Variants in DNM2 observed in about 807,000 individuals in gnomAD.
The protein encoded by DNM2 is dynamin-2.
A neutral mutation model predicts 99.0 loss-of-function variants in DNM2; 15 were observed. The ratio of observed to expected loss-of-function variants is 0.15; its 90% CI spans 0.10 to 0.23. The LOEUF (loss-of-function observed/expected upper bound fraction) is 0.23. Ranked by LOEUF, DNM2 falls within the 10% of genes least tolerant of loss-of-function variation. The pLI is 1.00. For synonymous variants in DNM2, 525 were observed against 481.2 expected (o/e 1.09, Z -1.19); for missense variants, 742 against 1,189.4 (o/e 0.62, Z 5.53).
At chr19:10,746,918 G>A (rs1203372335) in intron 1 of DNM2, among the ~76,000 whole-genome samples, 1 of 151,622 alleles carries the variant, frequency 6.6e-6, no homozygotes, top group African/African-American at 2.4e-5. Context: ...TGTATTTTTA[G>A]TAGAGACGGA....
intron 15 of DNM2, among the ~76,000 whole-genome samples, chr19:10,815,584 A>G (rs2146128454): frequency 6.6e-6 from 1 of 152,228 alleles, no homozygotes; most frequent in African/African-American, 2.4e-5. Context: ...TCCTCTCTGT[A>G]GGAGGGAACC....
At chr19:10,726,649 A>G (rs544645284) in intron 1 of DNM2, among the ~76,000 whole-genome samples, 1 of 152,204 alleles carries the variant, frequency 6.6e-6, no homozygotes, top group East Asian at 1.9e-4. Flanking sequence ...GGATCACCAG[A>G]GGTCAGGAGT....
At chr19:10,755,436 G>A (rs957617296) in intron 1 of DNM2, 2 of 151,540 alleles carry the variant, frequency 1.3e-5, no homozygotes, top group Non-Finnish European at 2.9e-5. Flanking sequence ...TCTAGCCAGC[G>A]CCGCATGGTT....
rs973717758 is a variant in DNM2 at position 10,816,049 on chromosome 19, C to T, written c.1671+3672C>T. Among the ~76,000 whole-genome samples the T allele has an allele frequency of 6.6e-6, 1 of 152,132 alleles. No homozygotes were observed. The highest frequency in any genetic ancestry group is 1.9e-4 in the East Asian group (1 of 5,176). Reference sequence around the variant, plus strand: ...TGAGGAAACCCTCACGCTTGCTATTCGGGTGGCTCTGTGGTCACCCCCATC... The same window carrying T: ...TGAGGAAACCCTCACGCTTGCTATTTGGGTGGCTCTGTGGTCACCCCCATC... On this transcript the variant is annotated intron_variant, in intron 15 of 20. Coordinates refer to ENST00000389253, the MANE Select transcript of DNM2 (RefSeq NM_001005361.3). The surrounding 1 kb of genome is among the most constrained non-coding windows in gnomAD (Gnocchi z 4.6).
At chr19:10,734,252 A>G (rs1599439121) in intron 1 of DNM2, among the ~76,000 whole-genome samples, 1 of 150,966 alleles carries the variant, frequency 6.6e-6, no homozygotes, top group Non-Finnish European at 1.5e-5. Context: ...CTGAGGTAGG[A>G]GAATTGCTTG....
In DNM2 at chr19:10,812,010, CTG is replaced by C. The variant is rs1568314004; in HGVS notation, c.1558-251_1558-250del. On this transcript the variant is annotated intron_variant, in intron 14 of 20. Coordinates refer to ENST00000389253, the MANE Select transcript of DNM2 (RefSeq NM_001005361.3). The surrounding 1 kb of genome is among the most constrained non-coding windows in gnomAD (Gnocchi z 4.0). ...CCATGGGCCCCTTTCCATCAGGCCTCTGTGAGTCTATACCCCATCAGCCCCTG... is the reference window on the plus strand; with the variant it reads ...CCATGGGCCCCTTTCCATCAGGCCTCTGAGTCTATACCCCATCAGCCCCTG... The C allele has an allele frequency of 8.0e-6, 4 of 499,970 alleles. No individual in the cohort carries two copies. The highest frequency in any genetic ancestry group is 1.6e-5 in the Non-Finnish European group (4 of 255,858). The allele number at this position is 499,970 out of a possible 1,614,324, so 31.0% of individuals were successfully genotyped here.
intron 7 of DNM2, among the ~76,000 whole-genome samples, chr19:10,789,159 C>T (rs1006611749): frequency 6.6e-6 from 1 of 152,120 alleles, no homozygotes; most frequent in Non-Finnish European, 1.5e-5. Flanking sequence ...GATTGTGCCA[C>T]TGCACTCCAG....
intron 2 of DNM2, among the ~76,000 whole-genome samples, chr19:10,761,050 G>A (rs1309563279): frequency 5.9e-5 from 9 of 151,854 alleles, no homozygotes; most frequent in Admixed American, 5.3e-4. Context: ...ATGCAGTGGC[G>A]TGATCTCGGC....
At chr19:10,758,271 TTCCTTCCCTCCCTCCTTCCTTCCCTCCC>T (rs2070470925) in intron 1 of DNM2, among the ~76,000 whole-genome samples, 4 of 116,964 alleles carry the variant, frequency 3.4e-5, no homozygotes, top group East Asian at 3.1e-4. Flanking sequence ...CCTTCCCTCC[TTCCTTCCCTCCCTCCTTCCTTCCCTCCC>T]TCCTTCCCTC....
rs369716035 is a variant in DNM2, at chr19:10,796,386, A to G, written c.1196+947A>G. Among the ~76,000 whole-genome samples the G allele has an allele frequency of 4.6e-5, 7 of 152,080 alleles. No homozygotes were observed. In the South Asian group the frequency reaches 1.2e-3, roughly 27 times the overall value. On this transcript the variant is annotated intron_variant, in intron 9 of 20. Coordinates refer to ENST00000389253, the MANE Select transcript of DNM2 (RefSeq NM_001005361.3). The surrounding 1 kb of genome is among the most constrained non-coding windows in gnomAD (Gnocchi z 5.6). ...CATGTAGGCCTGGGCCCAGGCACAC[A>G]GGGGAGTGCCAGGCCTCCTGGACTG... is the stretch of plus-strand genomic sequence containing the variant.
rs2073351436 is a variant in DNM2 at position 10,831,694 on chromosome 19, C to T, written c.*647C>T. ...CTCTCCTCCTCCTCCTCCTGGGTCC[C>T]CCAGGGTGGCTGGGCTTGGGCTATG... On this transcript the variant is annotated 3_prime_UTR_variant, in exon 21 of 21. Coordinates refer to ENST00000389253, the MANE Select transcript of DNM2 (RefSeq NM_001005361.3). The surrounding 1 kb of genome is among the most constrained non-coding windows in gnomAD (Gnocchi z 4.3). 3.0e-6 allele frequency: 3 copies of T among 986,162 alleles called. No individual in the cohort carries two copies. Among genetic ancestry groups the T allele is most frequent in the African/African-American group, 1.7e-5 (1 of 57,234 alleles). 61.1% of individuals were successfully genotyped at this position (986,162 alleles called of 1,614,324 possible). A position where few individuals can be genotyped will look rare whatever the true frequency, so the allele number is the denominator to read the frequency against.
intron 2 of DNM2, chr19:10,763,301 C>G (rs2070694775): frequency 6.6e-6 from 1 of 152,274 alleles, no homozygotes; most frequent in Non-Finnish European, 1.5e-5. Flanking sequence ...GTCTTGAACT[C>G]CTGGCCTCAA....
Position 10,775,607 on chromosome 19 carries a change from G to T in DNM2, c.386-96G>T. ...GGCGACATCCTCAAGTCTGAGCCCC[G>T]CGCAGGAACTTTGGTAGTCAGCTGG... is the stretch of plus-strand genomic sequence containing the variant. On this transcript the variant is annotated intron_variant, in intron 3 of 20. Coordinates refer to ENST00000389253, the MANE Select transcript of DNM2 (RefSeq NM_001005361.3). This position sits in a 1 kb window ranked among gnomAD's most constrained non-coding sequence, Gnocchi z 4.3. The T allele has an allele frequency of 1.4e-6, 2 of 1,385,294 alleles. No homozygotes were observed. The highest frequency in any genetic ancestry group is 1.8e-4 in the Middle Eastern group (1 of 5,552). The allele number at this position is 1,385,294 out of a possible 1,614,324, so 85.8% of individuals were successfully genotyped here.
chr19:10,821,670 T>TA (rs1401757592), intron 16 of DNM2, among the ~76,000 whole-genome samples: 3 of 152,234 alleles, frequency 2.0e-5, no homozygotes, highest in Admixed American at 6.5e-5. Flanking sequence ...TAGCTGGAAT[T>TA]ACAGGCATGC....
intron 1 of DNM2, among the ~76,000 whole-genome samples, chr19:10,732,194 C>A (rs2069346604): frequency 6.6e-6 from 1 of 151,004 alleles, no homozygotes; most frequent in Admixed American, 6.6e-5. Context: ...CTCAGGTTAT[C>A]CGCCTGCTTC....
intron 9 of DNM2, 58 bp from the exon 10 acceptor site, chr19:10,797,322 G>A: frequency 6.2e-7 from 1 of 1,604,834 alleles, no homozygotes; most frequent in Non-Finnish European, 8.5e-7. Flanking sequence ...TCCTGCGTGT[G>A]TGGCCTGCAC....
At position 10,820,311 on chromosome 19, in the gene DNM2, G is replaced by A. The variant is rs1443635730; in HGVS notation, c.1781+222G>A. ...CTGGGCAGAGATGAGGATGAAGGCA[G>A]GCTCCGAGTCAGTGGGAGCCATGGA... On this transcript the variant is annotated intron_variant, in intron 16 of 20. Coordinates refer to ENST00000389253, the MANE Select transcript of DNM2 (RefSeq NM_001005361.3). The surrounding 1 kb of genome is among the most constrained non-coding windows in gnomAD (Gnocchi z 4.3). 6.6e-6 allele frequency among the ~76,000 whole-genome samples: 1 copy of A among 152,250 alleles called. No homozygotes were observed. The highest frequency in any genetic ancestry group is 2.4e-5 in the African/African-American group (1 of 41,472).
At chr19:10,779,744 G>T (rs1363826474) in intron 5 of DNM2, among the ~76,000 whole-genome samples, 1 of 151,650 alleles carries the variant, frequency 6.6e-6, no homozygotes, top group Non-Finnish European at 1.5e-5. Flanking sequence ...GGAGTGCAGG[G>T]GCACAATCTC....
rs1294723954 is a variant in DNM2, at chr19:10,816,203, G to A, written c.1672-3777G>A. ...TGAGGGACACCCCAGCCCGACATCC[G>A]AACACCTCCGCTGCAGCCCAGGCCT... On this transcript the variant is annotated intron_variant, in intron 15 of 20. Transcript: ENST00000389253. The surrounding 1 kb of genome is among the most constrained non-coding windows in gnomAD (Gnocchi z 4.6). Among the ~76,000 whole-genome samples the A allele has an allele frequency of 2.6e-5, 4 of 152,042 alleles. No homozygotes were observed. The highest frequency in any genetic ancestry group is 7.2e-5 in the African/African-American group (3 of 41,406).
Sources: allele counts gnomAD v4.1 joint callset (sites outside exome capture counted in the v4.1 genomes callset), GRCh38; gene constraint gnomAD v4.1.1; non-coding constraint Gnocchi (gnomAD v3.1); transcripts MANE v1.5; gene names NCBI Gene and HGNC (gene_info 2026-07-23, HGNC 2026-07-21).